Variants in FBXL19 observed in about 807,000 individuals in gnomAD.
FBXL19 encodes the protein F-box and leucine rich repeat protein 19, also known as F-box/LRR-repeat protein 19.
In FBXL19, 16 loss-of-function variants were observed where a neutral mutation model predicts 71.2. The observed-to-expected ratio is 0.22, with a 90% confidence interval of 0.15 to 0.34. FBXL19 has a LOEUF of 0.34. FBXL19 is among the 10% of genes least tolerant of loss of function. FBXL19 has a pLI of 1.00. For synonymous variants in FBXL19, 447 were observed against 409.4 expected (o/e 1.09, Z -1.11); for missense variants, 658 against 968.2 (o/e 0.68, Z 4.25).
chr16:30,932,468 G>A (rs1348106556), intron 7 of FBXL19, among the ~76,000 whole-genome samples: 1 of 152,218 alleles, frequency 6.6e-6, no homozygotes, highest in African/African-American at 2.4e-5. Flanking sequence ...TTCAACGGGA[G>A]ACGTGTGGCC....
chr16:30,936,621 G>GT (rs891735985), intron 7 of FBXL19, among the ~76,000 whole-genome samples: 1 of 59,546 alleles, frequency 1.7e-5, no homozygotes, highest in Non-Finnish European at 3.6e-5. Context: ...TTTTTTTTTT[G>GT]TTTTTTAGTA....
rs2055856668 is a variant in FBXL19, at chr16:30,946,176, A to T, written c.1628-554A>T. Among the ~76,000 whole-genome samples the T allele has an allele frequency of 6.6e-6, 1 of 152,060 alleles. No homozygotes were observed. The highest frequency in any genetic ancestry group is 2.4e-5 in the African/African-American group (1 of 41,416). On this transcript the variant is annotated intron_variant, in intron 9 of 10. Coordinates refer to ENST00000338343, the MANE Select transcript of FBXL19 (RefSeq NM_001382779.1). This position sits in a 1 kb window ranked among gnomAD's most constrained non-coding sequence, Gnocchi z 6.7. ...GTCACATGGCAAGACAGCAAGAGAG[A>T]GGAGGGGAGGTCACAGACTCTTTTA...
At chr16:30,943,523 C>T (rs993967615) in intron 9 of FBXL19, among the ~76,000 whole-genome samples, 22 of 150,808 alleles carry the variant, frequency 1.5e-4, no homozygotes, top group Admixed American at 1.1e-3. Flanking sequence ...TACAGGCGCC[C>T]GCCACCACGC....
At chr16:30,935,512 G>A (rs760695277) in intron 7 of FBXL19, among the ~76,000 whole-genome samples, 27 of 152,190 alleles carry the variant, frequency 1.8e-4, no homozygotes, top group Admixed American at 1.2e-3. Context: ...AAGGAAGAGG[G>A]TTGGGGCTTT....
rs2143301784 is a variant in FBXL19 at position 30,925,118 on chromosome 16, T to C, written c.-24-613T>C. On this transcript the variant is annotated intron_variant, in intron 1 of 10. Coordinates refer to ENST00000338343, the MANE Select transcript of FBXL19 (RefSeq NM_001382779.1). The surrounding 1 kb of genome is among the most constrained non-coding windows in gnomAD (Gnocchi z 5.0). ...GGCTGTCAGAGCTCTGGGGAGTTAG[T>C]GGGCAGAGGAGATCGTTAGGGACTT... Among the ~76,000 whole-genome samples, 1 of 151,610 alleles carries C rather than the reference T, an allele frequency of 6.6e-6. No individual in the cohort carries two copies. The highest frequency in any genetic ancestry group is 2.4e-5 in the African/African-American group (1 of 41,268).
chr16:30,945,849 GAAAAAAA>G (rs11464927), intron 9 of FBXL19, among the ~76,000 whole-genome samples: 2,180 of 86,822 alleles, frequency 0.025, 36 homozygotes, highest in Non-Finnish European at 0.034. Context: ...CCGTCTCGGG[GAAAAAAA>G]AAAAAAAAAA....
chr16:30,929,679 C>T (rs909549733), intron 6 of FBXL19, among the ~76,000 whole-genome samples: 2 of 152,180 alleles, frequency 1.3e-5, no homozygotes, highest in Non-Finnish European at 2.9e-5. Context: ...CCTCAGCCTC[C>T]CGAGTAGCTG....
chr16:30,944,950 G>A (rs2055842734), intron 9 of FBXL19, among the ~76,000 whole-genome samples: 1 of 152,200 alleles, frequency 6.6e-6, no homozygotes, highest in South Asian at 2.1e-4. Flanking sequence ...TTAGGGAGTG[G>A]CACCTAGCCA....
Position 30,930,351 on chromosome 16 carries a change from C to A in FBXL19, c.1068C>A (p.Gly356=). 1 of 1,578,728 alleles carries A rather than the reference C, an allele frequency of 6.3e-7. No individual in the cohort carries two copies. Among genetic ancestry groups the A allele is most frequent in the Non-Finnish European group, 8.6e-7 (1 of 1,165,296 alleles). ...NRGGRRAVRP[G]SGGPLLSWPL... ...GGGGGCGGCGGGCTGTGCGCCCTGG[C>A]AGTGGGGGGCCCCTACTCAGCTGGC... Residue 356 remains glycine (G), a synonymous_variant, in exon 7 of 11, where the codon GGC becomes GGA. Coordinates refer to ENST00000338343, the MANE Select transcript of FBXL19 (RefSeq NM_001382779.1). The surrounding 1 kb of genome is among the most constrained non-coding windows in gnomAD (Gnocchi z 8.5).
rs987553582 is a variant in FBXL19, at chr16:30,925,592, T to A, written c.-24-139T>A. Reference sequence around the variant, plus strand: ...CTTGAGTAGAGGATTGGCCCCCAGATACACAGAAGGGGGTGACCTCCTTGT... The same window carrying A: ...CTTGAGTAGAGGATTGGCCCCCAGAAACACAGAAGGGGGTGACCTCCTTGT... On this transcript the variant is annotated intron_variant, in intron 1 of 10. Coordinates refer to ENST00000338343, the MANE Select transcript of FBXL19 (RefSeq NM_001382779.1). The surrounding 1 kb of genome is among the most constrained non-coding windows in gnomAD (Gnocchi z 5.0). The A allele has an allele frequency of 4.3e-6, 4 of 928,412 alleles. No homozygotes were observed. Among genetic ancestry groups the A allele is most frequent in the Non-Finnish European group, 4.4e-6 (3 of 677,562 alleles). 57.5% of individuals were successfully genotyped at this position (928,412 alleles called of 1,614,324 possible).
chr16:30,939,466 T>A (rs990531610), intron 7 of FBXL19, among the ~76,000 whole-genome samples: 7 of 148,024 alleles, frequency 4.7e-5, no homozygotes, highest in Non-Finnish European at 1.0e-4. Context: ...CAGGCTGGAG[T>A]GCAGTGGCAC....
upstream of FBXL19, chr16:30,922,871 G>A (rs1221512692): frequency 5.6e-6 from 2 of 358,502 alleles, no homozygotes; most frequent in Non-Finnish European, 1.1e-5. Flanking sequence ...CCACAGGCGG[G>A]CGAGGTGCCC....
intron 7 of FBXL19, among the ~76,000 whole-genome samples, chr16:30,932,479 C>T (rs1035998388): frequency 7.2e-5 from 11 of 152,170 alleles, no homozygotes; most frequent in Non-Finnish European, 1.5e-4. Flanking sequence ...ACGTGTGGCC[C>T]GAAGCAGACA....
At chr16:30,927,506 G>C in intron 3 of FBXL19, 55 bp downstream of exon 3, 1 of 1,561,800 alleles carries the variant, frequency 6.4e-7, no homozygotes, top group Non-Finnish European at 8.7e-7. Context: ...AGGGAGCAGA[G>C]AGTGGGGGAT....
intron 7 of FBXL19, among the ~76,000 whole-genome samples, chr16:30,933,878 G>C (rs531805469): frequency 1.3e-5 from 2 of 151,852 alleles, no homozygotes; most frequent in South Asian, 4.2e-4. Flanking sequence ...TCAGCCTCCC[G>C]AGTAGCTGGG....
In FBXL19 at chr16:30,946,819, C is replaced by T. The variant is rs2055864325; in HGVS notation, c.1717C>T (p.Leu573=). The change falls in exon 10 of 11, where the codon CTG becomes TTG. Residue 573 remains leucine, a synonymous_variant. Transcript: ENST00000338343. This position sits in a 1 kb window ranked among gnomAD's most constrained non-coding sequence, Gnocchi z 6.7. ...ELTDASLRLL[L]RHAPQLSALD... ...GACAGATGCCTCCCTGCGTCTCCTG[C>T]TGCGTCACGCACCCCAGCTGAGCGC... 1.2e-6 allele frequency: 2 copies of T among 1,612,736 alleles called. No homozygotes were observed. Among genetic ancestry groups the T allele is most frequent in the Admixed American group, 1.7e-5 (1 of 59,902 alleles).
At position 30,928,599 on chromosome 16, in the gene FBXL19, C is replaced by T. The variant is rs1461093380; in HGVS notation, c.760C>T (p.His254Tyr). The T allele has an allele frequency of 1.9e-6, 3 of 1,599,554 alleles. No individual in the cohort carries two copies. Among genetic ancestry groups the T allele is most frequent in the Non-Finnish European group, 2.6e-6 (3 of 1,173,610 alleles). The stretch of plus-strand genomic sequence containing the variant: ...TCCGAGCCAGGCTTTCTCATCCTGC[C>T]ACCCTGGGCTCCCTCCCGAGAACTG... ...LNPSQAFSSCHPGLPPENWEK... is the reference protein window; with the variant it reads ...LNPSQAFSSCYPGLPPENWEK... Residue 254 changes from histidine to tyrosine, a missense_variant, in exon 6 of 11, where the codon CAC (histidine) becomes TAC (tyrosine). His to Tyr is a moderately conservative substitution (Grantham distance 83, BLOSUM62 2). Around this residue, in one of 8 missense-constraint regions of FBXL19, gnomAD observed 447 missense variants for 515.4 expected, o/e 0.87. Transcript: ENST00000338343.
intron 7 of FBXL19, among the ~76,000 whole-genome samples, chr16:30,935,253 G>C (rs961356414): frequency 2.0e-5 from 3 of 152,208 alleles, no homozygotes; most frequent in African/African-American, 7.2e-5. Context: ...AATGGCACCT[G>C]GCGGACAGTG....
intron 7 of FBXL19, among the ~76,000 whole-genome samples, chr16:30,939,415 T>G (rs1242820157): frequency 6.7e-6 from 1 of 148,204 alleles, no homozygotes; most frequent in Non-Finnish European, 1.5e-5. Context: ...TGGGGTTTTT[T>G]TTTTTGTTTT....
Sources: gnomAD v4.1 joint callset for allele counts (sites outside exome capture counted in the v4.1 genomes callset) on GRCh38, gnomAD v4.1.1 for gene constraint, gnomAD v4.1.1 regional missense constraint, Gnocchi (gnomAD v3.1) non-coding constraint, MANE v1.5 for transcripts, NCBI Gene and HGNC (gene_info 2026-07-23, HGNC 2026-07-21) for gene names.